Variants in DHX38 observed in about 807,000 individuals in gnomAD.
DHX38 encodes DEAH-box helicase 38, also known as pre-mRNA-splicing factor ATP-dependent RNA helicase PRP16.
In DHX38, 100 loss-of-function variants were observed where a neutral mutation model predicts 153.1. The ratio of observed to expected loss-of-function variants is 0.65; its 90% confidence interval spans 0.56 to 0.77. The LOEUF (loss-of-function observed/expected upper bound fraction) is 0.77, where lower values mean the gene tolerates loss of function less well. Among genes scored for constraint, DHX38 ranks in the 30% least tolerant of loss-of-function variants. The probability of loss-of-function intolerance (pLI) is 0.00; values close to 1 mark genes in which losing one functional copy is unlikely to be tolerated. For missense variants in DHX38, 1,440 were observed against 1,654.0 expected (o/e 0.87, Z 2.24); for synonymous variants, 650 against 631.7 (o/e 1.03, Z -0.43).
intron 17 of DHX38, 83 bp from the exon 18 acceptor site, chr16:72,105,434 G>A: frequency 6.2e-7 from 1 of 1,600,628 alleles, no homozygotes; most frequent in Non-Finnish European, 8.6e-7. Flanking sequence ...CAGGGGGTGG[G>A]CTAGGAGGTA....
chr16:72,096,833 C>G lies in DHX38; in HGVS notation c.335C>G (p.Ser112Cys), dbSNP rs765620584. Residue 112 changes from serine (S) to cysteine (C), a missense_variant, in exon 3 of 27, where the codon TCT becomes TGT. By Grantham distance (112) the Ser-to-Cys change is moderately radical. Around this residue, in one of 6 missense-constraint regions of DHX38, gnomAD observed 483 missense variants for 465.1 expected, o/e 1.04. Coordinates refer to ENST00000268482, the MANE Select transcript of DHX38 (RefSeq NM_014003.4). ...QNIRKDRHYR[S>C]ARVETPSHPG... ...TCTCCCTGTTTCAGACATTATCGGTCTGCTCGGGTAGAGACTCCATCCCAT... is the reference window on the plus strand; with the variant it reads ...TCTCCCTGTTTCAGACATTATCGGTGTGCTCGGGTAGAGACTCCATCCCAT... The G allele has an allele frequency of 1.1e-5, 18 of 1,612,678 alleles. No individual in the cohort carries two copies. Among genetic ancestry groups the G allele is most frequent in the Non-Finnish European group, 1.4e-5 (17 of 1,179,400 alleles).
chr16:72,097,405 T>TAA, intron 3 of DHX38: 1 of 463,034 alleles, frequency 2.2e-6, no homozygotes, highest in South Asian at 2.7e-5. Context: ...TTGTAACTAT[T>TAA]AAAAAAAATG....
In DHX38 at chr16:72,104,424, G is replaced by T. The variant is rs548185954; in HGVS notation, c.2011-62G>T. ...GTTTCCTCGGGGGTGGTGCTGATGGGACTGGGGGACAGGAGCCAAGGGTCC... is the reference window on the plus strand; with the variant it reads ...GTTTCCTCGGGGGTGGTGCTGATGGTACTGGGGGACAGGAGCCAAGGGTCC... On this transcript the variant is annotated intron_variant, in intron 14 of 26. Transcript: ENST00000268482. The surrounding 1 kb of genome is among the most constrained non-coding windows in gnomAD (Gnocchi z 4.5). The T allele has an allele frequency of 6.2e-7, 1 of 1,600,742 alleles. No individual in the cohort carries two copies. The highest frequency in any genetic ancestry group is 2.2e-5 in the East Asian group (1 of 44,764).
chr16:72,104,091 G>A lies in DHX38; in HGVS notation c.1970G>A (p.Arg657His), dbSNP rs1242974689. 5 of 1,614,020 alleles carry A rather than the reference G, an allele frequency of 3.1e-6. No individual in the cohort carries two copies. Among genetic ancestry groups the A allele is most frequent in the South Asian group, 2.2e-5 (2 of 91,084 alleles). ...SAIIMDEAHE[R>H]SLNTDVLFGL... is the part of the protein sequence containing the mutation. ...ATCATCATGGACGAGGCCCACGAGC[G>A]CTCCCTCAACACTGACGTGCTCTTT... Residue 657 changes from arginine (R) to histidine (H), a missense_variant, in exon 14 of 27, where the codon CGC becomes CAC. By Grantham distance (29) the Arg-to-His change is conservative (BLOSUM62 0). Around this residue, in one of 6 missense-constraint regions of DHX38, gnomAD observed 543 missense variants for 717.9 expected, o/e 0.76. Coordinates refer to ENST00000268482, the MANE Select transcript of DHX38 (RefSeq NM_014003.4). The surrounding 1 kb of genome is among the most constrained non-coding windows in gnomAD (Gnocchi z 4.5).
chr16:72,108,302 GT>G lies in DHX38; in HGVS notation c.3043del (p.Tyr1015ThrfsTer43). On this transcript the variant is annotated frameshift_variant, in exon 22 of 27. Transcript: ENST00000268482. LOFTEE classifies it high-confidence loss of function. ...GAGCGATCATTTGACCTACCTGAAT[GT>G]TTACCTGCAGTGGAAGAACAATAAT... ...PESDHLTYLN[V>X]YLQWKNNNYS... 1 of 1,614,104 alleles carries G rather than the reference GT, an allele frequency of 6.2e-7. No individual in the cohort carries two copies.
chr16:72,104,548 G>A lies in DHX38; in HGVS notation c.2073G>A (p.Lys691=), dbSNP rs1431227407. ...CATCAGCCACGATGGATGCGGAGAAGTTTGCTGCCTTTTTTGGGAATGTCC... is the reference window on the plus strand; with the variant it reads ...CATCAGCCACGATGGATGCGGAGAAATTTGCTGCCTTTTTTGGGAATGTCC... The part of the protein sequence containing the change: ...IVTSATMDAE[K]FAAFFGNVPI... Residue 691 remains lysine, a synonymous_variant, in exon 15 of 27, where the codon AAG becomes AAA. Coordinates refer to ENST00000268482, the MANE Select transcript of DHX38 (RefSeq NM_014003.4). This position sits in a 1 kb window ranked among gnomAD's most constrained non-coding sequence, Gnocchi z 4.5. 2 of 1,614,180 alleles carry A rather than the reference G, an allele frequency of 1.2e-6. No individual in the cohort carries two copies. The highest frequency in any genetic ancestry group is 8.5e-7 in the Non-Finnish European group (1 of 1,180,028).
In DHX38 at chr16:72,105,573, C is replaced by T. The variant is rs1196358074; in HGVS notation, c.2436C>T (p.Leu812=). The part of the protein sequence containing the change: ...IVATNIAETS[L]TVDGIMFVID... ...CCACCAATATTGCCGAGACGTCTCTCACTGTTGACGGCATCATGTTTGTTA... is the reference window on the plus strand; with the variant it reads ...CCACCAATATTGCCGAGACGTCTCTTACTGTTGACGGCATCATGTTTGTTA... The change falls in exon 18 of 27, where the codon CTC becomes CTT. Residue 812 remains leucine, a synonymous_variant. Transcript: ENST00000268482. The T allele has an allele frequency of 2.5e-6, 4 of 1,614,060 alleles. No individual in the cohort carries two copies. The African/African-American group carries it at 5.3e-5, about 22-fold the overall frequency.
chr16:72,109,604 C>G (rs897125051), intron 25 of DHX38, 94 bp downstream of exon 25: 3 of 1,162,894 alleles, frequency 2.6e-6, no homozygotes, highest in Non-Finnish European at 3.5e-6. Flanking sequence ...ATCCAACCCA[C>G]TTACTTCTCT....
intron 1 of DHX38, 188 bp downstream of exon 1, chr16:72,094,239 G>C (rs2041971350): frequency 6.5e-6 from 1 of 152,854 alleles, no homozygotes; most frequent in South Asian, 2.1e-4. Context: ...CTTCCTCCTT[G>C]CTCTGGTCAA....
intron 11 of DHX38, 66 bp from the exon 12 acceptor site, chr16:72,103,008 G>A (rs2042121072): frequency 3.8e-6 from 6 of 1,585,734 alleles, no homozygotes; most frequent in Non-Finnish European, 5.2e-6. Context: ...AAGGAGGGCA[G>A]CAACCCAATC....
Position 72,096,695 on chromosome 16 carries a change from T to A in DHX38, c.324-127T>A, listed in dbSNP as rs980043257. The A allele has an allele frequency of 2.7e-6, 4 of 1,486,970 alleles. No individual in the cohort carries two copies. In the African/African-American group the frequency reaches 5.6e-5, roughly 21 times the overall value. The allele number at this position is 1,486,970 out of a possible 1,614,324, so 92.1% of individuals were successfully genotyped here. A position where few individuals can be genotyped will look rare whatever the true frequency, so the allele number is the denominator to read the frequency against. ...TTAGAAATGCCTTGGGTTGTTGCCA[T>A]ATGTGAGCCTGCGTCCCAGGGAGAG... On this transcript the variant is annotated intron_variant, in intron 2 of 26. Transcript: ENST00000268482.
Position 72,105,075 on chromosome 16 carries a change from G to C in DHX38, c.2200G>C (p.Val734Leu), listed in dbSNP as rs747627084. ...GGCTGCAGTGAAGCAGTCCTTGCAGGTGCACCTGTCGGGGGCCCCTGGAGA... is the reference window on the plus strand; with the variant it reads ...GGCTGCAGTGAAGCAGTCCTTGCAGCTGCACCTGTCGGGGGCCCCTGGAGA... ...VEAAVKQSLQVHLSGAPGDIL... is the reference protein window; with the variant it reads ...VEAAVKQSLQLHLSGAPGDIL... Residue 734 changes from valine (V) to leucine (L), a missense_variant, in exon 16 of 27, where the codon GTG (valine) becomes CTG (leucine). Val to Leu is a conservative substitution (Grantham distance 32, BLOSUM62 1). Transcript: ENST00000268482. 11 of 1,614,094 alleles carry C rather than the reference G, an allele frequency of 6.8e-6. No homozygotes were observed. Among genetic ancestry groups the C allele is most frequent in the African/African-American group, 1.3e-5 (1 of 74,940 alleles).
intron 8 of DHX38, 144 bp from the exon 9 acceptor site, chr16:72,100,292 T>C (rs2042082414): frequency 1.8e-6 from 2 of 1,131,144 alleles, no homozygotes; most frequent in Non-Finnish European, 2.5e-6. Context: ...TCTTCTGTCT[T>C]TGGAGCTGTG....
At chr16:72,099,474 CTGTTA>C (rs2042068350) in intron 7 of DHX38, among the ~76,000 whole-genome samples, 194 bp downstream of exon 7, 1 of 152,244 alleles carries the variant, frequency 6.6e-6, no homozygotes, top group East Asian at 1.9e-4. Flanking sequence ...CCTAACTGTT[CTGTTA>C]TGTGTTGGTG....
At chr16:72,097,457 G>A (rs1465597982) in intron 3 of DHX38, 6 of 518,590 alleles carry the variant, frequency 1.2e-5, no homozygotes, top group South Asian at 2.7e-5. Flanking sequence ...AATTCTTGCT[G>A]GAAAATAACT....
chr16:72,109,569 C>T (rs545325866), intron 25 of DHX38, 59 bp downstream of exon 25: 451 of 1,513,578 alleles, frequency 3.0e-4, no homozygotes, highest in Non-Finnish European at 3.8e-4. Context: ...GTGTTCCCTC[C>T]GCTTGGTATT....
chr16:72,100,706 G>A, intron 9 of DHX38, 109 bp downstream of exon 9: 1 of 1,444,190 alleles, frequency 6.9e-7, no homozygotes. Context: ...TGAGGAGGGT[G>A]GATCATTGGA....
chr16:72,103,017 T>TC, intron 11 of DHX38, 57 bp from the exon 12 acceptor site: 1 of 1,592,558 alleles, frequency 6.3e-7, no homozygotes, highest in Non-Finnish European at 8.6e-7. Flanking sequence ...AGCAACCCAA[T>TC]CAGGAAGGAC....
chr16:72,110,163 G>C (rs1426378556), intron 25 of DHX38, among the ~76,000 whole-genome samples: 3 of 152,182 alleles, frequency 2.0e-5, no homozygotes, highest in Admixed American at 2.0e-4. Flanking sequence ...TCATGACATT[G>C]ATTTATTGGA....
Sources: allele counts gnomAD v4.1 joint callset (sites outside exome capture counted in the v4.1 genomes callset), GRCh38; gene constraint gnomAD v4.1.1; regional missense constraint gnomAD v4.1.1; non-coding constraint Gnocchi (gnomAD v3.1); transcripts MANE v1.5; gene names NCBI Gene and HGNC (gene_info 2026-07-23, HGNC 2026-07-21).